The following DCDC2C variants were observed in gnomAD, a reference collection of about 807,000 sequenced individuals.
The protein encoded by DCDC2C is doublecortin domain containing 2C.
A neutral mutation model predicts 45.0 loss-of-function variants in DCDC2C; 44 were observed. The observed-to-expected ratio is 0.98, with a 90% CI of 0.77 to 1.26. The LOEUF is 1.26. Ranked by LOEUF, DCDC2C falls within the 50% of genes most tolerant of loss-of-function variation. The probability of loss-of-function intolerance (pLI) is 0.00; values close to 1 mark genes in which losing one functional copy is unlikely to be tolerated. For synonymous variants in DCDC2C, 187 were observed against 178.8 expected, an observed-to-expected ratio of 1.05 and a Z score of -0.37; for missense variants, 447 against 468.9, an observed-to-expected ratio of 0.95 and a Z score of 0.43.
chr2:3,746,070 AG>A (rs1185865987), intron 4 of DCDC2C, among the ~76,000 whole-genome samples: 1 of 152,154 alleles, frequency 6.6e-6, no homozygotes, highest in Non-Finnish European at 1.5e-5. Context: ...GGTTGGAAAA[AG>A]GCGCTCGTAG....
At chr2:3,723,474 A>G (rs547877616) in intron 2 of DCDC2C, among the ~76,000 whole-genome samples, 1 of 152,184 alleles carries the variant, frequency 6.6e-6, no homozygotes, top group African/African-American at 2.4e-5. Flanking sequence ...ATGTTTCAGG[A>G]ACTGCAAGAA....
intron 4 of DCDC2C, among the ~76,000 whole-genome samples, chr2:3,751,524 C>G (rs1329743997): frequency 1.3e-5 from 2 of 152,218 alleles, no homozygotes; most frequent in Admixed American, 1.3e-4. Flanking sequence ...AGCAGCTTGT[C>G]AGCCAGGAGC....
intron 2 of DCDC2C, 107 bp downstream of exon 2, chr2:3,708,707 T>C: frequency 1.2e-6 from 1 of 800,568 alleles, no homozygotes; most frequent in Non-Finnish European, 2.0e-6. Flanking sequence ...AGTAAATGCC[T>C]GCAGAGATGT....
At chr2:3,820,845 G>T (rs1671672011) in intron 10 of DCDC2C, among the ~76,000 whole-genome samples, 2 of 152,166 alleles carry the variant, frequency 1.3e-5, no homozygotes, top group Admixed American at 6.5e-5. Context: ...TGGGCTGGTT[G>T]GTCTGAGGAC....
intron 10 of DCDC2C, among the ~76,000 whole-genome samples, chr2:3,797,495 T>C (rs1313212337): frequency 5.4e-5 from 8 of 149,000 alleles, no homozygotes; most frequent in Non-Finnish European, 1.2e-4. Context: ...CTGCTTTCTC[T>C]TGTGGGCATT....
intron 6 of DCDC2C, among the ~76,000 whole-genome samples, chr2:3,762,880 G>C (rs571752810): frequency 5.0e-4 from 76 of 152,238 alleles, no homozygotes; most frequent in African/African-American, 1.8e-3. Flanking sequence ...AGAGAGTAGG[G>C]CTTCAGGGGA....
chr2:3,712,948 A>C (rs1668254038), intron 2 of DCDC2C, among the ~76,000 whole-genome samples: 1 of 152,184 alleles, frequency 6.6e-6, no homozygotes, highest in Non-Finnish European at 1.5e-5. Flanking sequence ...TCTCATCTGC[A>C]AAAATGGAAA....
intron 10 of DCDC2C, among the ~76,000 whole-genome samples, chr2:3,820,429 C>T (rs899888322): frequency 1.7e-4 from 26 of 151,988 alleles, no homozygotes; most frequent in African/African-American, 5.6e-4. Context: ...GGTAGAGACA[C>T]GGAGAAGGGG....
chr2:3,716,855 G>C (rs2163264), intron 2 of DCDC2C, among the ~76,000 whole-genome samples: 2 of 152,114 alleles, frequency 1.3e-5, no homozygotes, highest in African/African-American at 4.8e-5. Flanking sequence ...CATCCATGTT[G>C]TAGTGTGTAT....
intron 8 of DCDC2C, among the ~76,000 whole-genome samples, chr2:3,771,737 G>A (rs1004798078): frequency 4.6e-5 from 7 of 152,176 alleles, no homozygotes; most frequent in African/African-American, 1.7e-4. Context: ...CATCCGAGTG[G>A]GCCAAGCCTG....
At chr2:3,737,140 G>A (rs551146731) in intron 3 of DCDC2C, among the ~76,000 whole-genome samples, 10 of 152,270 alleles carry the variant, frequency 6.6e-5, no homozygotes, top group African/African-American at 2.2e-4. Context: ...TGGGGAGACC[G>A]AGAGATTCAG....
In DCDC2C at chr2:3,775,057, G is replaced by A. The variant is rs187540379; in HGVS notation, c.955-3759G>A. On this transcript the variant is annotated intron_variant, in intron 8 of 10. Coordinates refer to ENST00000399143, the MANE Select transcript of DCDC2C (RefSeq NM_001287444.2). Reference sequence around the variant, plus strand: ...TGGGATTACAGGCATGAGCCAGTGCGCCTGGCTGGATGTTTTTTTTTTTTT... The same window carrying A: ...TGGGATTACAGGCATGAGCCAGTGCACCTGGCTGGATGTTTTTTTTTTTTT... Among the ~76,000 whole-genome samples, 1,421 of 151,264 alleles carry A rather than the reference G, an allele frequency of 9.4e-3. 8 individuals carry two copies. The highest frequency in any genetic ancestry group is 0.016 in the Non-Finnish European group (1,081 of 67,780).
chr2:3,709,602 A>G (rs1342988796), intron 2 of DCDC2C, among the ~76,000 whole-genome samples: 2 of 152,250 alleles, frequency 1.3e-5, no homozygotes, highest in East Asian at 3.8e-4. Context: ...GTTTCCAACT[A>G]GAAAGCAATT....
At chr2:3,726,742 C>T (rs187569037) in intron 2 of DCDC2C, among the ~76,000 whole-genome samples, 6 of 152,318 alleles carry the variant, frequency 3.9e-5, no homozygotes, top group East Asian at 1.9e-4. Context: ...GCCCAGCCCC[C>T]GCACCCTGCA....
At chr2:3,769,433 T>C (rs1328448092) in intron 8 of DCDC2C, 22 bp downstream of exon 8, 1 of 1,545,084 alleles carries the variant, frequency 6.5e-7, no homozygotes, top group South Asian at 1.2e-5. Context: ...GGGTCCGATG[T>C]CCATGCCGTC....
At chr2:3,717,168 C>A (rs547045383) in intron 2 of DCDC2C, among the ~76,000 whole-genome samples, 21 of 152,172 alleles carry the variant, frequency 1.4e-4, no homozygotes, top group African/African-American at 4.8e-4. Context: ...CTAGTTCAGG[C>A]CACCCCCACT....
At chr2:3,711,182 A>C (rs1357320968) in intron 2 of DCDC2C, among the ~76,000 whole-genome samples, 1 of 152,220 alleles carries the variant, frequency 6.6e-6, no homozygotes, top group Non-Finnish European at 1.5e-5. Context: ...ACACTTTTAC[A>C]CTGTTGGTGG....
chr2:3,822,908 C>T (rs1671728474), intron 10 of DCDC2C, among the ~76,000 whole-genome samples: 1 of 152,102 alleles, frequency 6.6e-6, no homozygotes, highest in African/African-American at 2.4e-5. Context: ...GAGTAAGTCT[C>T]ATGAGATCTG....
intron 6 of DCDC2C, among the ~76,000 whole-genome samples, chr2:3,756,207 C>T (rs1370189072): frequency 6.6e-6 from 1 of 152,122 alleles, no homozygotes; most frequent in African/African-American, 2.4e-5. Context: ...AGGGGCTTAC[C>T]AGTCCTTGTA....
Sources: allele counts gnomAD v4.1 joint callset (sites outside exome capture counted in the v4.1 genomes callset), GRCh38; gene constraint gnomAD v4.1.1; transcripts MANE v1.5; gene names NCBI Gene and HGNC (gene_info 2026-07-23, HGNC 2026-07-21).